SYCP1: variants seen among roughly 807,000 people sequenced by gnomAD.
SYCP1 encodes synaptonemal complex protein 1.
SYCP1 carries 64 observed loss-of-function variants against 153.1 expected under a neutral mutation model. That is an observed-to-expected ratio of 0.42 (90% CI 0.34 to 0.51). The LOEUF (loss-of-function observed/expected upper bound fraction) is 0.51. SYCP1 is among the 20% of genes least tolerant of loss of function. SYCP1 has a pLI of 0.06. For missense variants in SYCP1, 997 were observed against 1,049.0 expected, an observed-to-expected ratio of 0.95 and a Z score of 0.68; for synonymous variants, 384 against 341.8, an observed-to-expected ratio of 1.12 and a Z score of -1.36.
At chr1:114,916,368 A>C (rs1668506070) in intron 20 of SYCP1, among the ~76,000 whole-genome samples, 2 of 152,124 alleles carry the variant, frequency 1.3e-5, no homozygotes, top group Non-Finnish European at 2.9e-5. Flanking sequence ...GGATCATAGT[A>C]ATAATGATTT....
chr1:114,928,744 T>C (rs1020727930), intron 23 of SYCP1, among the ~76,000 whole-genome samples: 1 of 152,190 alleles, frequency 6.6e-6, no homozygotes, highest in African/African-American at 2.4e-5. Flanking sequence ...TTACATTACA[T>C]GTGAAATAGT....
intron 27 of SYCP1, among the ~76,000 whole-genome samples, chr1:114,953,246 A>G (rs1362812249): frequency 6.6e-6 from 1 of 152,218 alleles, no homozygotes; most frequent in Non-Finnish European, 1.5e-5. Flanking sequence ...GTGGTTTGCC[A>G]GTGTATGCTC....
chr1:114,868,160 C>G (rs1466341101), intron 8 of SYCP1, among the ~76,000 whole-genome samples: 1 of 150,268 alleles, frequency 6.7e-6, no homozygotes, highest in African/African-American at 2.4e-5. Flanking sequence ...CAGGATCTTG[C>G]TCTGTCACCC....
At chr1:114,910,616 G>T in intron 17 of SYCP1, 115 bp downstream of exon 17, 1 of 607,308 alleles carries the variant, frequency 1.6e-6, no homozygotes, top group Non-Finnish European at 2.6e-6. Context: ...TCCTTTCCAA[G>T]CATTTATTAT....
intron 20 of SYCP1, among the ~76,000 whole-genome samples, chr1:114,918,013 C>T (rs1462586538): frequency 6.6e-6 from 1 of 150,782 alleles, no homozygotes; most frequent in Non-Finnish European, 1.5e-5. Context: ...TCTATTTTTG[C>T]TTTGGTTGTC....
chr1:114,882,552 C>T (rs1208722512), intron 12 of SYCP1, among the ~76,000 whole-genome samples: 1 of 151,738 alleles, frequency 6.6e-6, no homozygotes, highest in Non-Finnish European at 1.5e-5. Flanking sequence ...GTTTTATAGT[C>T]CTTTTCTGAT....
intron 23 of SYCP1, among the ~76,000 whole-genome samples, chr1:114,932,504 G>T (rs1353669574): frequency 6.6e-6 from 1 of 152,202 alleles, no homozygotes; most frequent in Non-Finnish European, 1.5e-5. Context: ...CAGAAGATGG[G>T]TGATTTCTGC....
chr1:114,944,340 T>G lies in SYCP1; in HGVS notation c.1928T>G (p.Val643Gly), dbSNP rs1348703367. Residue 643 changes from valine (V) to glycine (G), a missense_variant and splice_region_variant, in exon 24 of 32, where the codon GTC (valine) becomes GGC (glycine). This residue lies in a region of SYCP1 where 712 missense variants were observed against 682.9 expected (regional missense o/e 1.04). Transcript: ENST00000369522. ...SKQLNVYEIK[V>G]NKLELELESA... ...CATGCTATTTTTCTTTACTTAAAGG[T>G]CAATAAATTAGAGTTAGAACTAGAA... The G allele has an allele frequency of 6.4e-7, 1 of 1,558,326 alleles. No homozygotes were observed. The highest frequency in any genetic ancestry group is 1.4e-5 in the African/African-American group (1 of 73,250).
At chr1:114,856,713 A>G in intron 3 of SYCP1, 56 bp downstream of exon 3, 10 of 1,243,200 alleles carry the variant, frequency 8.0e-6, no homozygotes, top group East Asian at 2.4e-5. Flanking sequence ...TGTTACATAC[A>G]TCGATAGTTA....
At chr1:114,857,722 G>C (rs552310640) in intron 5 of SYCP1, among the ~76,000 whole-genome samples, 1 of 152,122 alleles carries the variant, frequency 6.6e-6, no homozygotes, top group African/African-American at 2.4e-5. Flanking sequence ...GAGGGGAAAC[G>C]AGTACTATAC....
chr1:114,960,896 A>G (rs1183450609), intron 27 of SYCP1, among the ~76,000 whole-genome samples: 4 of 151,772 alleles, frequency 2.6e-5, no homozygotes, highest in African/African-American at 9.7e-5. Context: ...ATTTTCTCTT[A>G]CTCTATCTTT....
chr1:114,913,935 T>C, intron 19 of SYCP1, 40 bp from the exon 20 acceptor site: 2 of 1,409,414 alleles, frequency 1.4e-6, no homozygotes, highest in Non-Finnish European at 1.9e-6. Context: ...TTATTTTTGT[T>C]TAAACAAAAT....
intron 23 of SYCP1, 86 bp from the exon 24 acceptor site, chr1:114,944,253 T>A (rs1670551141): frequency 1.3e-6 from 1 of 783,566 alleles, no homozygotes; most frequent in East Asian, 2.8e-5. Flanking sequence ...TCTTCTAAGA[T>A]TCACAAAACC....
intron 16 of SYCP1, among the ~76,000 whole-genome samples, chr1:114,905,053 CT>C (rs1207879819): frequency 2.0e-5 from 3 of 152,066 alleles, no homozygotes; most frequent in South Asian, 2.1e-4. Context: ...GAGTATTGTA[CT>C]TTTTTTCTAT....
intron 26 of SYCP1, 70 bp from the exon 27 acceptor site, chr1:114,947,176 T>C (rs1670762690): frequency 1.8e-6 from 2 of 1,088,512 alleles, no homozygotes; most frequent in South Asian, 2.7e-5. Context: ...CTCAGAGCAC[T>C]AGTTTATATT....
At chr1:114,861,137 C>T (rs555023084) in intron 8 of SYCP1, among the ~76,000 whole-genome samples, 2 of 151,994 alleles carry the variant, frequency 1.3e-5, no homozygotes, top group Non-Finnish European at 2.9e-5. Flanking sequence ...TAGCCATGCT[C>T]GTAATAGAAA....
At position 114,911,595 on chromosome 1, in the gene SYCP1, T is replaced by A. The variant is rs912450434; in HGVS notation, c.1529+13T>A. 6.3e-6 allele frequency: 9 copies of A among 1,427,016 alleles called. No individual in the cohort carries two copies. In the African/African-American group the frequency reaches 1.3e-4, roughly 21 times the overall value. The allele number at this position is 1,427,016 out of a possible 1,614,324, so 88.4% of individuals were successfully genotyped here. ...TTGAAAACGAGAAGTATGTTTTCCA[T>A]TTATCTAAAAATAGTTTATGTACTC... On this transcript the variant is annotated intron_variant, in intron 18 of 31. Coordinates refer to ENST00000369522, the MANE Select transcript of SYCP1 (RefSeq NM_003176.4).
At chr1:114,944,502 T>G in intron 24 of SYCP1, 47 bp downstream of exon 24, 1 of 1,075,272 alleles carries the variant, frequency 9.3e-7, no homozygotes, top group Non-Finnish European at 1.3e-6. Context: ...TAAAAATCTA[T>G]ATTTTTATTA....
chr1:114,988,809 T>A (rs536438919), intron 30 of SYCP1, among the ~76,000 whole-genome samples: 3 of 152,142 alleles, frequency 2.0e-5, no homozygotes, highest in Admixed American at 2.0e-4. Flanking sequence ...TTCTATATGA[T>A]TTTAAAGACA....
Sources: allele counts gnomAD v4.1 joint callset (sites outside exome capture counted in the v4.1 genomes callset), GRCh38; gene constraint gnomAD v4.1.1; regional missense constraint gnomAD v4.1.1; transcripts MANE v1.5; gene names NCBI Gene and HGNC (gene_info 2026-07-23, HGNC 2026-07-21).